WRNIP1: variants seen among roughly 807,000 people sequenced by gnomAD.
The protein encoded by WRNIP1 is WRN helicase interacting protein 1, also known as ATPase WRNIP1.
A neutral mutation model predicts 56.1 loss-of-function variants in WRNIP1; 41 were observed. The ratio of observed to expected loss-of-function variants is 0.73; its 90% CI spans 0.57 to 0.95. The LOEUF (loss-of-function observed/expected upper bound fraction) is 0.95. Ranked by LOEUF, WRNIP1 falls within the 40% of genes least tolerant of loss-of-function variation. The pLI is 0.00. For missense variants in WRNIP1, 1,170 were observed against 939.4 expected, an observed-to-expected ratio of 1.25 and a Z score of -3.21; for synonymous variants, 547 against 398.1, an observed-to-expected ratio of 1.37 and a Z score of -4.45.
rs74476539 is a variant in WRNIP1, at chr6:2,777,626, C to T, written c.1257-1637C>T. Among the ~76,000 whole-genome samples, 685 of 152,316 alleles carry T rather than the reference C, an allele frequency of 4.5e-3. 16 individuals carry two copies. Among genetic ancestry groups the T allele is most frequent in the East Asian group, 0.044 (226 of 5,184 alleles). Reference sequence around the variant, plus strand: ...GCACCCTTCCCTCTCAGGCATGTCACGTACTGCTACACCCCTGTGATGCTG... The same window carrying T: ...GCACCCTTCCCTCTCAGGCATGTCATGTACTGCTACACCCCTGTGATGCTG... On this transcript the variant is annotated intron_variant, in intron 3 of 6. Transcript: ENST00000380773.
At chr6:2,767,883 C>T (rs568072898) in intron 1 of WRNIP1, among the ~76,000 whole-genome samples, 55 of 152,154 alleles carry the variant, frequency 3.6e-4, no homozygotes, top group African/African-American at 1.3e-3. Flanking sequence ...GGCAGGCAGG[C>T]GGGGATTTCT....
intron 4 of WRNIP1, among the ~76,000 whole-genome samples, chr6:2,782,362 C>T (rs1765581503): frequency 6.6e-6 from 1 of 152,284 alleles, no homozygotes; most frequent in South Asian, 2.1e-4. Context: ...AAACCAGAAT[C>T]ACTCAGGCTG....
rs562573877 is a variant in WRNIP1 at position 2,779,356 on chromosome 6, G to A, written c.1350G>A (p.Ala450=). The change falls in exon 4 of 7, where the codon GCG becomes GCA. Residue 450 remains alanine, a synonymous_variant. Coordinates refer to ENST00000380773, the MANE Select transcript of WRNIP1 (RefSeq NM_020135.3). ...ARAGLNGLQL[A]VLARLSSRKM... is the part of the protein sequence containing the mutation. ...CTGGGTTGAACGGACTGCAGCTGGC[G>A]GTGCTGGCTAGGTTAAGCTCTAGGA... is the stretch of plus-strand genomic sequence containing the variant. 29 of 1,614,088 alleles carry A rather than the reference G, an allele frequency of 1.8e-5. No homozygotes were observed. The highest frequency in any genetic ancestry group is 2.3e-5 in the Non-Finnish European group (27 of 1,180,050).
chr6:2,775,351 T>G (rs1253997585), intron 3 of WRNIP1, among the ~76,000 whole-genome samples: 1 of 152,212 alleles, frequency 6.6e-6, no homozygotes, highest in African/African-American at 2.4e-5. Flanking sequence ...AGATTTGAGC[T>G]CAGTCTATGG....
At chr6:2,782,570 A>C in intron 4 of WRNIP1, among the ~76,000 whole-genome samples, 1 of 152,222 alleles carries the variant, frequency 6.6e-6, no homozygotes, top group East Asian at 1.9e-4. Flanking sequence ...ACTCACGGGA[A>C]CACCATCCTC....
In WRNIP1 at chr6:2,785,371, G is replaced by A. The variant is rs997889537; in HGVS notation, c.*89G>A. On this transcript the variant is annotated 3_prime_UTR_variant, in exon 7 of 7. Transcript: ENST00000380773. The stretch of plus-strand genomic sequence containing the variant: ...TGGATTGCAAAGTTGGTTGCCTGGT[G>A]GAAGTTAGAACAGACCAACATTTTG... 71 of 1,498,014 alleles carry A rather than the reference G, an allele frequency of 4.7e-5. No individual in the cohort carries two copies. Among genetic ancestry groups the A allele is most frequent in the Non-Finnish European group, 5.7e-5 (63 of 1,108,974 alleles). 92.8% of individuals were successfully genotyped at this position (1,498,014 alleles called of 1,614,324 possible). A position where few individuals can be genotyped will look rare whatever the true frequency, so the allele number is the denominator to read the frequency against.
Position 2,765,582 on chromosome 6 carries a change from TGCTGCGGCCGCGCCGGGCGCCGGGGAGG to T in WRNIP1, c.-38_-11del, listed in dbSNP as rs774556859. On this transcript the variant is annotated 5_prime_UTR_variant, in exon 1 of 7. Coordinates refer to ENST00000380773, the MANE Select transcript of WRNIP1 (RefSeq NM_020135.3). Reference sequence around the variant, plus strand: ...CGAAGGCCTCCGCGTGCGCACGGGTTGCTGCGGCCGCGCCGGGCGCCGGGGAGGGCGGCGGCCGCCATGGAGGTGAGCG... The same window carrying T: ...CGAAGGCCTCCGCGTGCGCACGGGTTGCGGCGGCCGCCATGGAGGTGAGCG... 6.9e-7 allele frequency: 1 copy of T among 1,445,204 alleles called. No individual in the cohort carries two copies. The highest frequency in any genetic ancestry group is 9.1e-7 in the Non-Finnish European group (1 of 1,104,704). 89.5% of individuals were successfully genotyped at this position (1,445,204 alleles called of 1,614,324 possible). A position where few individuals can be genotyped will look rare whatever the true frequency, so the allele number is the denominator to read the frequency against.
In WRNIP1 at chr6:2,770,119, G is replaced by C; in HGVS notation, c.1015-1G>C. On this transcript the variant is annotated splice_acceptor_variant, in intron 2 of 6. Transcript: ENST00000380773. LOFTEE classifies it high-confidence loss of function. ...TTTTTCTGTTTTCCTCCCATGATTA[G>C]GACACTTTCCTTCCTCACGTGGAAT... 6.2e-7 allele frequency: 1 copy of C among 1,614,154 alleles called. No homozygotes were observed. The highest frequency in any genetic ancestry group is 8.5e-7 in the Non-Finnish European group (1 of 1,180,014).
intron 5 of WRNIP1, among the ~76,000 whole-genome samples, 185 bp downstream of exon 5, chr6:2,783,746 G>A (rs1250093330): frequency 1.3e-5 from 2 of 149,092 alleles, no homozygotes; most frequent in Non-Finnish European, 3.0e-5. Context: ...GAGCTCAGTC[G>A]TTTATTTCCT....
intron 3 of WRNIP1, among the ~76,000 whole-genome samples, chr6:2,770,940 C>G (rs1350471396): frequency 6.6e-6 from 1 of 152,164 alleles, no homozygotes; most frequent in Non-Finnish European, 1.5e-5. Flanking sequence ...TGTCCCTATC[C>G]TTTTAGTGAC....
At chr6:2,779,129 C>T (rs1581140825) in intron 3 of WRNIP1, 134 bp from the exon 4 acceptor site, 5 of 895,872 alleles carry the variant, frequency 5.6e-6, no homozygotes, top group Admixed American at 5.1e-5. Flanking sequence ...AGCACATTGA[C>T]AAAGGTGAGA....
At position 2,779,418 on chromosome 6, in the gene WRNIP1, C is replaced by G. The variant is rs1765506622; in HGVS notation, c.1412C>G (p.Pro471Arg). The change falls in exon 4 of 7, where the codon CCC becomes CGC. Residue 471 changes from proline (P) to arginine (R), a missense_variant. Transcript: ENST00000380773. The part of the protein sequence containing the change: ...FCKKSGQSYS[P>R]SRVLITENDV... ...AAGAAGAGTGGGCAATCCTATTCTC[C>G]CAGTAGAGTTCTGATCACAGAGAAT... 1 of 1,614,042 alleles carries G rather than the reference C, an allele frequency of 6.2e-7. No individual in the cohort carries two copies. Among genetic ancestry groups the G allele is most frequent in the Admixed American group, 1.7e-5 (1 of 60,010 alleles).
intron 1 of WRNIP1, among the ~76,000 whole-genome samples, chr6:2,767,043 A>G (rs1035596048): frequency 6.6e-6 from 1 of 152,224 alleles, no homozygotes; most frequent in Non-Finnish European, 1.5e-5. Flanking sequence ...AAACTTTTTC[A>G]TCTGCAAGTC....
chr6:2,780,755 T>C (rs953412214), intron 4 of WRNIP1, among the ~76,000 whole-genome samples: 4 of 152,188 alleles, frequency 2.6e-5, no homozygotes, highest in African/African-American at 9.6e-5. Flanking sequence ...CGCCATTGTT[T>C]CTGAAGTGCA....
Position 2,765,589 on chromosome 6 carries a change from G to T in WRNIP1, c.-34G>T. ...CTCCGCGTGCGCACGGGTTGCTGCG[G>T]CCGCGCCGGGCGCCGGGGAGGGCGG... is the stretch of plus-strand genomic sequence containing the variant. On this transcript the variant is annotated 5_prime_UTR_variant, in exon 1 of 7. Coordinates refer to ENST00000380773, the MANE Select transcript of WRNIP1 (RefSeq NM_020135.3). 3.4e-6 allele frequency: 5 copies of T among 1,463,874 alleles called. No homozygotes were observed. Among genetic ancestry groups the T allele is most frequent in the Non-Finnish European group, 4.5e-6 (5 of 1,114,370 alleles). 90.7% of individuals were successfully genotyped at this position (1,463,874 alleles called of 1,614,324 possible). A position where few individuals can be genotyped will look rare whatever the true frequency, so the allele number is the denominator to read the frequency against.
At chr6:2,770,728 C>G (rs558025716) in intron 3 of WRNIP1, among the ~76,000 whole-genome samples, 1 of 152,166 alleles carries the variant, frequency 6.6e-6, no homozygotes, top group African/African-American at 2.4e-5. Context: ...TAGATAAATA[C>G]TTTCTAGACT....
rs1765665979 is a variant in WRNIP1, at chr6:2,784,676, G to GA, written c.1722+275dup. Among the ~76,000 whole-genome samples the GA allele has an allele frequency of 3.3e-5, 5 of 152,190 alleles. No homozygotes were observed. The South Asian group carries it at 1.0e-3, about 32-fold the overall frequency. On this transcript the variant is annotated intron_variant, in intron 6 of 6. Coordinates refer to ENST00000380773, the MANE Select transcript of WRNIP1 (RefSeq NM_020135.3). ...AGGGAGCAGAAAGGTTAAAGGAGCT[G>GA]AACAGCAAAGCCTCTGCAAGTTCGC...
chr6:2,780,488 T>C (rs1228884898), intron 4 of WRNIP1, among the ~76,000 whole-genome samples: 3 of 152,198 alleles, frequency 2.0e-5, no homozygotes, highest in Non-Finnish European at 2.9e-5. Flanking sequence ...GGGGTGTTCA[T>C]TAGTGCTAAG....
intron 3 of WRNIP1, among the ~76,000 whole-genome samples, chr6:2,776,440 C>CAAGGGGAGGAAGAAG (rs1765432331): frequency 6.6e-6 from 1 of 152,132 alleles, no homozygotes; most frequent in Admixed American, 6.5e-5. Flanking sequence ...GGATTATACC[C>CAAGGGGAGGAAGAAG]AAGGGGAGGA....
Sources: allele counts gnomAD v4.1 joint callset (sites outside exome capture counted in the v4.1 genomes callset), GRCh38; gene constraint gnomAD v4.1.1; transcripts MANE v1.5; gene names NCBI Gene and HGNC (gene_info 2026-07-23, HGNC 2026-07-21).